The following BMP2K variants were observed in gnomAD, a reference collection of about 807,000 sequenced individuals.
The protein encoded by BMP2K is BMP-2-inducible protein kinase.
BMP2K carries 74 observed loss-of-function variants against 116.0 expected under a neutral mutation model. The observed-to-expected ratio is 0.64, with a 90% CI of 0.53 to 0.77. The LOEUF is 0.77. Among genes scored for constraint, BMP2K ranks in the 30% least tolerant of loss-of-function variants. The pLI is 0.00. For synonymous variants in BMP2K, 486 were observed against 502.5 expected, an observed-to-expected ratio of 0.97 and a Z score of 0.44; for missense variants, 1,365 against 1,403.6, an observed-to-expected ratio of 0.97 and a Z score of 0.44.
intron 12 of BMP2K, 50 bp from the exon 13 acceptor site, chr4:78,872,564 G>A (rs1245397339): frequency 1.3e-6 from 2 of 1,529,888 alleles, no homozygotes; most frequent in Admixed American, 1.8e-5. Flanking sequence ...AGTGCTGACA[G>A]TGCTTTAGGA....
intron 13 of BMP2K, among the ~76,000 whole-genome samples, chr4:78,875,212 A>G (rs1164623408): frequency 1.3e-5 from 2 of 152,196 alleles, no homozygotes; most frequent in Non-Finnish European, 2.9e-5. Flanking sequence ...AAGAGCTCTA[A>G]ACTAATGTTC....
intron 9 of BMP2K, among the ~76,000 whole-genome samples, chr4:78,861,858 A>G (rs1731811267): frequency 6.6e-6 from 1 of 151,956 alleles, no homozygotes; most frequent in Admixed American, 6.6e-5. Context: ...TAACTAGAAT[A>G]TATAGAATAT....
At chr4:78,861,589 A>G (rs996290920) in intron 9 of BMP2K, 121 bp downstream of exon 9, 1 of 825,946 alleles carries the variant, frequency 1.2e-6, no homozygotes, top group Non-Finnish European at 1.9e-6. Flanking sequence ...TGTGTTGCTT[A>G]TTGTATGTGG....
At chr4:78,839,096 A>G (rs1730629416) in intron 3 of BMP2K, among the ~76,000 whole-genome samples, 1 of 152,220 alleles carries the variant, frequency 6.6e-6, no homozygotes, top group African/African-American at 2.4e-5. Context: ...CCAAAACTCA[A>G]TAGCATAAAA....
rs770759956 is a variant in BMP2K, at chr4:78,847,138, T to A, written c.669-50T>A. On this transcript the variant is annotated intron_variant, in intron 5 of 15. Coordinates refer to ENST00000502613, the MANE Select transcript of BMP2K (RefSeq NM_198892.2). ...AGAAACAATGTATTATCTGTCTTTT[T>A]TTTATATATATATATATATCTCCAC... 6.8e-6 allele frequency: 7 copies of A among 1,027,896 alleles called. No homozygotes were observed. The African/African-American group carries it at 6.8e-5, about 10-fold the overall frequency. The allele number at this position is 1,027,896 out of a possible 1,614,324, so 63.7% of individuals were successfully genotyped here.
intron 1 of BMP2K, among the ~76,000 whole-genome samples, chr4:78,787,592 C>G (rs1425172448): frequency 6.6e-6 from 1 of 151,968 alleles, no homozygotes; most frequent in East Asian, 1.9e-4. Flanking sequence ...GCGGATAGTA[C>G]CACTCAATGG....
intron 1 of BMP2K, among the ~76,000 whole-genome samples, chr4:78,816,229 G>A (rs1729345803): frequency 1.3e-5 from 2 of 152,018 alleles, no homozygotes; most frequent in South Asian, 4.1e-4. Flanking sequence ...CTTCATAGGC[G>A]ATGCTGTTTA....
intron 14 of BMP2K, 137 bp from the exon 15 acceptor site, chr4:78,887,037 A>G: frequency 1.6e-6 from 1 of 612,624 alleles, no homozygotes; most frequent in East Asian, 2.8e-5. Context: ...ACTTACAGTG[A>G]TAGATTCTGA....
Position 78,912,737 on chromosome 4 carries a change from AATAT to A in BMP2K, c.*710_*713del, listed in dbSNP as rs774310675. The A allele has an allele frequency of 3.3e-5, 5 of 152,202 alleles. No homozygotes were observed. Among genetic ancestry groups the A allele is most frequent in the African/African-American group, 1.2e-4 (5 of 41,458 alleles). The allele number at this position is 152,202 out of a possible 1,614,324, so 9.4% of individuals were successfully genotyped here. A position where few individuals can be genotyped will look rare whatever the true frequency, so the allele number is the denominator to read the frequency against. ...TTCCAAAACAATGTTATACATGATA[AATAT>A]ATATAATTTTTGTCAGTTAAAACAA... On this transcript the variant is annotated 3_prime_UTR_variant, in exon 16 of 16. Coordinates refer to ENST00000502613, the MANE Select transcript of BMP2K (RefSeq NM_198892.2).
intron 1 of BMP2K, among the ~76,000 whole-genome samples, chr4:78,779,289 T>C (rs188840759): frequency 6.7e-4 from 102 of 152,344 alleles, no homozygotes; most frequent in African/African-American, 2.3e-3. Context: ...TTGGTTGATT[T>C]ATTAACATTG....
At chr4:78,903,517 A>G (rs1310571485) in intron 15 of BMP2K, among the ~76,000 whole-genome samples, 2 of 151,986 alleles carry the variant, frequency 1.3e-5, no homozygotes, top group East Asian at 3.8e-4. Flanking sequence ...ACTAAATAAA[A>G]TGAATTATGT....
At chr4:78,879,198 A>G (rs760695913) in intron 14 of BMP2K, 49 of 1,065,810 alleles carry the variant, frequency 4.6e-5, no homozygotes, top group African/African-American at 2.5e-4. Context: ...TGATGTTTCA[A>G]TAAAAAGGGA....
At chr4:78,899,183 T>C (rs972387122) in intron 15 of BMP2K, 1 of 152,206 alleles carries the variant, frequency 6.6e-6, no homozygotes, top group African/African-American at 2.4e-5. Flanking sequence ...AAAGACTCCA[T>C]GCTTGAAATA....
intron 1 of BMP2K, among the ~76,000 whole-genome samples, chr4:78,805,246 C>G (rs1578481457): frequency 1.3e-5 from 2 of 152,194 alleles, no homozygotes; most frequent in African/African-American, 4.8e-5. Flanking sequence ...TTTCTAGGCT[C>G]TGAGTTCTTT....
chr4:78,799,170 GACAT>G (rs1037595882), intron 1 of BMP2K, among the ~76,000 whole-genome samples: 1 of 151,966 alleles, frequency 6.6e-6, no homozygotes, highest in Non-Finnish European at 1.5e-5. Context: ...TAAAGAAGTG[GACAT>G]ACAAACATAT....
At chr4:78,893,667 A>T (rs946754316) in intron 15 of BMP2K, among the ~76,000 whole-genome samples, 1 of 152,170 alleles carries the variant, frequency 6.6e-6, no homozygotes, top group Non-Finnish European at 1.5e-5. Context: ...GGCTCCAGTG[A>T]TCCTCCCGCC....
chr4:78,908,635 C>G (rs1734405131), intron 15 of BMP2K, among the ~76,000 whole-genome samples: 1 of 152,166 alleles, frequency 6.6e-6, no homozygotes, highest in Non-Finnish European at 1.5e-5. Context: ...TTTCAAATCA[C>G]AGATACCTAA....
intron 2 of BMP2K, among the ~76,000 whole-genome samples, chr4:78,830,230 C>T (rs74797996): frequency 0.048 from 7,359 of 152,140 alleles, 620 homozygotes; most frequent in African/African-American, 0.17. Context: ...TGACTAGGTA[C>T]GTTGTCAATG....
intron 13 of BMP2K, among the ~76,000 whole-genome samples, chr4:78,874,000 A>C (rs998805893): frequency 5.3e-5 from 8 of 152,102 alleles, no homozygotes; most frequent in Non-Finnish European, 1.0e-4. Flanking sequence ...CAACATGGTG[A>C]AACCTCATCT....
Sources: allele counts gnomAD v4.1 joint callset (sites outside exome capture counted in the v4.1 genomes callset), GRCh38; gene constraint gnomAD v4.1.1; transcripts MANE v1.5; gene names NCBI Gene and HGNC (gene_info 2026-07-23, HGNC 2026-07-21).